The following PRR16 variants were observed in gnomAD, a reference collection of about 807,000 sequenced individuals.
The protein encoded by PRR16 is proline rich 16.
A neutral mutation model predicts 18.2 loss-of-function variants in PRR16; 6 were observed. The ratio of observed to expected loss-of-function variants is 0.33; its 90% CI spans 0.18 to 0.65. PRR16 has a LOEUF of 0.65. PRR16 is among the 30% of genes least tolerant of loss of function. PRR16 has a pLI of 0.74. For missense variants in PRR16, 412 were observed against 376.6 expected, an observed-to-expected ratio of 1.09 and a Z score of -0.78; for synonymous variants, 151 against 147.8, an observed-to-expected ratio of 1.02 and a Z score of -0.16.
intron 1 of PRR16, among the ~76,000 whole-genome samples, chr5:120,596,417 G>A (rs1160693173): frequency 6.6e-6 from 1 of 151,666 alleles, no homozygotes; most frequent in Non-Finnish European, 1.5e-5. Flanking sequence ...TCTTCCTAGA[G>A]TTTCCCTTAC....
chr5:120,677,308 G>T (rs1340027495), intron 1 of PRR16, among the ~76,000 whole-genome samples: 2 of 152,124 alleles, frequency 1.3e-5, no homozygotes, highest in African/African-American at 4.8e-5. Context: ...ACTACTTCCT[G>T]CCTCGCCTCT....
the PRR16 span, among the ~76,000 whole-genome samples, chr5:120,748,769 G>C: frequency 6.6e-6 from 1 of 152,032 alleles, no homozygotes; most frequent in Non-Finnish European, 1.5e-5. Flanking sequence ...CATGCATGAA[G>C]AATTAAAGGA....
At chr5:120,553,220 G>C (rs1257181917) in intron 1 of PRR16, among the ~76,000 whole-genome samples, 1 of 151,732 alleles carries the variant, frequency 6.6e-6, no homozygotes, top group African/African-American at 2.4e-5. Flanking sequence ...TTAATGTTTG[G>C]TAGGACTACT....
At chr5:120,541,209 C>G (rs2112683014) in intron 1 of PRR16, among the ~76,000 whole-genome samples, 1 of 152,240 alleles carries the variant, frequency 6.6e-6, no homozygotes, top group Admixed American at 6.5e-5. Context: ...AGCAGTAGCG[C>G]AATCTCGGCT....
chr5:120,749,960 C>T, the PRR16 span, among the ~76,000 whole-genome samples: 3 of 152,098 alleles, frequency 2.0e-5, no homozygotes, highest in African/African-American at 7.2e-5. Context: ...TGTCTAACCA[C>T]CTCTCCTTAC....
At chr5:120,768,159 T>C in the PRR16 span, among the ~76,000 whole-genome samples, 1 of 151,890 alleles carries the variant, frequency 6.6e-6, no homozygotes, top group African/African-American at 2.4e-5. Flanking sequence ...TAATACAATA[T>C]GTAGTTTCCA....
At chr5:120,723,968 G>A in the PRR16 span, among the ~76,000 whole-genome samples, 3 of 149,882 alleles carry the variant, frequency 2.0e-5, no homozygotes, top group Non-Finnish European at 4.4e-5. Flanking sequence ...AGACAATTAT[G>A]GCATTAAAAA....
Position 120,686,427 on chromosome 5 carries a change from A to G in PRR16, c.633A>G (p.Val211=). Residue 211 remains valine (V), a synonymous_variant, in exon 2 of 2, where the codon GTA becomes GTG. Transcript: ENST00000407149. The stretch of plus-strand genomic sequence containing the variant: ...AACGAGTTCGGTTTAATGAAAAAGT[A>G]CAGTACCATGGCTATTGTCCTGACT... The part of the protein sequence containing the change: ...PRERVRFNEK[V]QYHGYCPDCD... 6.2e-7 allele frequency: 1 copy of G among 1,614,174 alleles called. No individual in the cohort carries two copies. Among genetic ancestry groups the G allele is most frequent in the East Asian group, 2.2e-5 (1 of 44,878 alleles).
intron 1 of PRR16, among the ~76,000 whole-genome samples, chr5:120,633,114 T>C (rs1375257087): frequency 6.6e-6 from 1 of 152,160 alleles, no homozygotes; most frequent in Non-Finnish European, 1.5e-5. Context: ...CCAAGAATTT[T>C]TTATCCAAGG....
the PRR16 span, among the ~76,000 whole-genome samples, chr5:120,739,706 C>T: frequency 6.6e-6 from 1 of 152,122 alleles, no homozygotes; most frequent in Non-Finnish European, 1.5e-5. Context: ...AGTTTCTTTG[C>T]TTCTTCTCTC....
At chr5:120,548,338 AT>A (rs1239388209) in intron 1 of PRR16, among the ~76,000 whole-genome samples, 15 of 152,218 alleles carry the variant, frequency 9.9e-5, no homozygotes, top group Non-Finnish European at 1.8e-4. Flanking sequence ...GCATTTTTAC[AT>A]TATTGCTACA....
At chr5:120,522,451 T>C (rs1751215854) in intron 1 of PRR16, among the ~76,000 whole-genome samples, 1 of 152,268 alleles carries the variant, frequency 6.6e-6, no homozygotes, top group South Asian at 2.1e-4. Context: ...CATGTGTCTG[T>C]TGACTGCATA....
chr5:120,760,420 C>T, the PRR16 span, among the ~76,000 whole-genome samples: 1 of 151,916 alleles, frequency 6.6e-6, no homozygotes, highest in African/African-American at 2.4e-5. Flanking sequence ...TGCATCTTCT[C>T]CCTCCCCCTC....
intron 1 of PRR16, 38 bp from the exon 2 acceptor site, chr5:120,685,916 G>A (rs375160610): frequency 6.4e-7 from 1 of 1,567,126 alleles, no homozygotes; most frequent in South Asian, 1.2e-5. Flanking sequence ...CTTTGTTTGG[G>A]TCATTCTTCA....
the PRR16 span, among the ~76,000 whole-genome samples, chr5:120,756,666 C>A: frequency 0.26 from 39,114 of 151,560 alleles, 5,436 homozygotes; most frequent in Non-Finnish European, 0.31. Flanking sequence ...TGTTTAAGTT[C>A]CTTATGAATA....
intron 1 of PRR16, among the ~76,000 whole-genome samples, chr5:120,500,755 T>C (rs1750422673): frequency 6.6e-6 from 1 of 152,148 alleles, no homozygotes; most frequent in Admixed American, 6.5e-5. Flanking sequence ...ACTTTCAAAT[T>C]TTACTAAAGG....
chr5:120,698,159 C>T, the PRR16 span, among the ~76,000 whole-genome samples: 141 of 152,064 alleles, frequency 9.3e-4, no homozygotes, highest in African/African-American at 3.1e-3. Flanking sequence ...AGGGCTGCTT[C>T]GAGCAGGGTG....
At chr5:120,586,457 C>T (rs751039801) in intron 1 of PRR16, among the ~76,000 whole-genome samples, 20 of 152,058 alleles carry the variant, frequency 1.3e-4, no homozygotes, top group Non-Finnish European at 2.8e-4. Context: ...TTTGTGGCAA[C>T]CCTGTGTCTA....
chr5:120,644,028 G>A (rs1755509889), intron 1 of PRR16, among the ~76,000 whole-genome samples: 1 of 151,872 alleles, frequency 6.6e-6, no homozygotes, highest in Admixed American at 6.6e-5. Context: ...AAACAAACAA[G>A]GCTGATGCCC....
Sources: allele counts gnomAD v4.1 joint callset (sites outside exome capture counted in the v4.1 genomes callset), GRCh38; gene constraint gnomAD v4.1.1; transcripts MANE v1.5; gene names NCBI Gene and HGNC (gene_info 2026-07-23, HGNC 2026-07-21).